ADGRA3: variants seen among roughly 807,000 people sequenced by gnomAD.
ADGRA3 encodes G-protein coupled receptor 125.
A neutral mutation model predicts 119.8 loss-of-function variants in ADGRA3; 56 were observed. The ratio of observed to expected loss-of-function variants is 0.47; its 90% CI spans 0.38 to 0.58. The LOEUF (loss-of-function observed/expected upper bound fraction) is 0.58, where lower values mean the gene tolerates loss of function less well. Among genes scored for constraint, ADGRA3 ranks in the 20% least tolerant of loss-of-function variants. The pLI, the probability that ADGRA3 is intolerant of heterozygous loss-of-function variation, is 0.00. For synonymous variants in ADGRA3, 607 were observed against 623.8 expected (o/e 0.97, Z 0.40); for missense variants, 1,516 against 1,649.0 (o/e 0.92, Z 1.40).
chr4:22,411,059 G>A (rs1393876936), intron 14 of ADGRA3, among the ~76,000 whole-genome samples: 5 of 152,018 alleles, frequency 3.3e-5, no homozygotes, highest in Non-Finnish European at 7.4e-5. Flanking sequence ...GCTTTAAACT[G>A]GTATTAGACT....
At chr4:22,486,698 G>GC (rs1379372955) in intron 1 of ADGRA3, among the ~76,000 whole-genome samples, 1 of 152,146 alleles carries the variant, frequency 6.6e-6, no homozygotes, top group Non-Finnish European at 1.5e-5. Context: ...TCCAGTCTCT[G>GC]CCCTCCCTCA....
At chr4:22,464,062 C>G (rs1717569240) in intron 2 of ADGRA3, among the ~76,000 whole-genome samples, 1 of 152,142 alleles carries the variant, frequency 6.6e-6, no homozygotes, top group African/African-American at 2.4e-5. Context: ...TCTACCACCT[C>G]CCCACAATCA....
At chr4:22,457,774 T>C (rs776717548) in intron 3 of ADGRA3, among the ~76,000 whole-genome samples, 1 of 152,220 alleles carries the variant, frequency 6.6e-6, no homozygotes, top group African/African-American at 2.4e-5. Context: ...TAAAACATAC[T>C]GAAGAAACTG....
At chr4:22,401,241 T>C (rs1022723663) in intron 16 of ADGRA3, among the ~76,000 whole-genome samples, 190 bp downstream of exon 16, 4 of 152,252 alleles carry the variant, frequency 2.6e-5, no homozygotes, top group Non-Finnish European at 5.9e-5. Flanking sequence ...GTTTAAGTTA[T>C]ATATTCAGTT....
intron 7 of ADGRA3, among the ~76,000 whole-genome samples, chr4:22,438,640 TA>T (rs1716490925): frequency 6.6e-6 from 1 of 152,060 alleles, no homozygotes; most frequent in African/African-American, 2.4e-5. Context: ...ATCAGGGCAA[TA>T]AGAGACATAT....
At position 22,461,815 on chromosome 4, in the gene ADGRA3, A is replaced by G. The variant is rs762929321; in HGVS notation, c.330-7T>C. The G allele has an allele frequency of 6.3e-7, 1 of 1,580,950 alleles. No homozygotes were observed. The highest frequency in any genetic ancestry group is 1.1e-5 in the South Asian group (1 of 89,192). On this transcript the variant is annotated splice_polypyrimidine_tract_variant and splice_region_variant and intron_variant, in intron 2 of 18. Transcript: ENST00000334304. ...AAGATTGTTTCGGAGGTCCCTGTTA[A>G]AAATAAAATAAAAGTTATTCACATA...
chr4:22,497,411 C>G (rs1005946656), intron 1 of ADGRA3, among the ~76,000 whole-genome samples: 6 of 151,912 alleles, frequency 3.9e-5, no homozygotes, highest in African/African-American at 1.4e-4. Context: ...ACCTGGTACT[C>G]AGAAATTCAG....
chr4:22,392,552 T>C lies in ADGRA3; in HGVS notation c.2620A>G (p.Met874Val), dbSNP rs112141640. The C allele has an allele frequency of 3.6e-4, 578 of 1,613,680 alleles. No individual in the cohort carries two copies. The African/African-American group carries it at 4.7e-3, about 13-fold the overall frequency. Residue 874 changes from methionine (M) to valine (V), a missense_variant, in exon 17 of 19, where the codon ATG becomes GTG. Met to Val is a conservative substitution (Grantham distance 21). Transcript: ENST00000334304. ...PDEPPPPPRP[M>V]LRFYLIGGGI... ...AACAAAGATATGAGATACCTGAGCA[T>C]TGGTCTTGGTGGAGGTGGTGGTTCA...
chr4:22,489,303 C>G (rs757690210), intron 1 of ADGRA3, among the ~76,000 whole-genome samples: 1 of 151,732 alleles, frequency 6.6e-6, no homozygotes, highest in Non-Finnish European at 1.5e-5. Flanking sequence ...TCCCATAACA[C>G]GTGAAAATTA....
chr4:22,405,419 G>T lies in ADGRA3; in HGVS notation c.2233-2620C>A, dbSNP rs115531829. ...ACATTAATGGGGCATGATGGCGCGTGCCTGTAACCCCAGCTACTTGGGAGG... is the reference window on the plus strand; with the variant it reads ...ACATTAATGGGGCATGATGGCGCGTTCCTGTAACCCCAGCTACTTGGGAGG... On this transcript the variant is annotated intron_variant, in intron 14 of 18. Transcript: ENST00000334304. Among the ~76,000 whole-genome samples the T allele has an allele frequency of 3.4e-3, 511 of 152,014 alleles. 2 individuals are homozygous for T. The highest frequency in any genetic ancestry group is 0.012 in the African/African-American group (479 of 41,484).
intron 1 of ADGRA3, among the ~76,000 whole-genome samples, chr4:22,504,895 C>T (rs1719184565): frequency 6.6e-6 from 1 of 152,104 alleles, no homozygotes; most frequent in Non-Finnish European, 1.5e-5. Context: ...AACAATACAT[C>T]AGAACATGAA....
rs116513383 is a variant in ADGRA3, at chr4:22,404,902, G to A, written c.2233-2103C>T. 5.2e-3 allele frequency among the ~76,000 whole-genome samples: 792 copies of A among 152,312 alleles called. 10 individuals carry two copies. Among genetic ancestry groups the A allele is most frequent in the African/African-American group, 0.018 (757 of 41,566 alleles). On this transcript the variant is annotated intron_variant, in intron 14 of 18. Coordinates refer to ENST00000334304, the MANE Select transcript of ADGRA3 (RefSeq NM_145290.4). ...AATTCAATGAAAAGCTTCTATTCCA[G>A]TACAGAACTAATAACTGAGGATAAA...
At chr4:22,472,456 C>A (rs941571438) in intron 2 of ADGRA3, among the ~76,000 whole-genome samples, 3 of 151,982 alleles carry the variant, frequency 2.0e-5, no homozygotes, top group Non-Finnish European at 4.4e-5. Context: ...AGCACATGGA[C>A]GACATGGAAC....
intron 17 of ADGRA3, among the ~76,000 whole-genome samples, chr4:22,392,262 C>T (rs1714163019): frequency 6.6e-6 from 1 of 152,158 alleles, no homozygotes; most frequent in Admixed American, 6.5e-5. Context: ...ATGGCCAATC[C>T]CCTCTTAAGT....
At position 22,438,374 on chromosome 4, in the gene ADGRA3, C is replaced by A; in HGVS notation, c.967G>T (p.Gly323Cys). 6.2e-7 allele frequency: 1 copy of A among 1,613,722 alleles called. No individual in the cohort carries two copies. Among genetic ancestry groups the A allele is most frequent in the South Asian group, 1.1e-5 (1 of 91,060 alleles). ...CCACGTTTGGTCTGGACATGACAGCCCCAATTTCCAGTAGATCCAGCCTGA... is the reference window on the plus strand; with the variant it reads ...CCACGTTTGGTCTGGACATGACAGCACCAATTTCCAGTAGATCCAGCCTGA... ...NIQAGSTGNW[G>C]CHVQTKRGNN... The change falls in exon 8 of 19, where the codon GGC (glycine) becomes TGC (cysteine). Residue 323 changes from glycine (G) to cysteine (C), a missense_variant. By Grantham distance (159) the Gly-to-Cys change is radical. Coordinates refer to ENST00000334304, the MANE Select transcript of ADGRA3 (RefSeq NM_145290.4).
At chr4:22,475,835 C>A (rs1018146547) in intron 1 of ADGRA3, among the ~76,000 whole-genome samples, 1 of 152,084 alleles carries the variant, frequency 6.6e-6, no homozygotes, top group African/African-American at 2.4e-5. Flanking sequence ...GTGTATACTG[C>A]TCGGGTGATG....
chr4:22,440,849 A>G (rs946081576), intron 7 of ADGRA3, among the ~76,000 whole-genome samples: 1 of 152,222 alleles, frequency 6.6e-6, no homozygotes, highest in Non-Finnish European at 1.5e-5. Context: ...TTATCGCTAC[A>G]GTAAAACTAG....
chr4:22,452,924 C>T (rs893595665), intron 4 of ADGRA3, among the ~76,000 whole-genome samples: 4 of 151,954 alleles, frequency 2.6e-5, no homozygotes, highest in South Asian at 2.1e-4. Flanking sequence ...TACAGCCAGG[C>T]GTGGTGGCTC....
intron 1 of ADGRA3, among the ~76,000 whole-genome samples, chr4:22,498,274 A>T (rs1294758602): frequency 6.6e-6 from 1 of 152,000 alleles, no homozygotes; most frequent in Non-Finnish European, 1.5e-5. Flanking sequence ...AAATAAATAA[A>T]AATCAAGTGT....
Sources: gnomAD v4.1 joint callset for allele counts (sites outside exome capture counted in the v4.1 genomes callset) on GRCh38, gnomAD v4.1.1 for gene constraint, MANE v1.5 for transcripts, NCBI Gene and HGNC (gene_info 2026-07-23, HGNC 2026-07-21) for gene names.